The following CASD1 variants were observed in gnomAD, a reference collection of about 807,000 sequenced individuals.
The protein encoded by CASD1 is N-acetylneuraminate (7)9-O-acetyltransferase.
Under a neutral mutation model 100.0 loss-of-function variants are expected in CASD1, and 41 were observed. That is an observed-to-expected ratio of 0.41 (90% CI 0.32 to 0.53). The LOEUF is 0.53. Among genes scored for constraint, CASD1 ranks in the 20% least tolerant of loss-of-function variants. The pLI, the probability that CASD1 is intolerant of heterozygous loss-of-function variation, is 0.25. For missense variants in CASD1, 774 were observed against 948.7 expected (o/e 0.82, Z 2.42); for synonymous variants, 321 against 315.6 (o/e 1.02, Z -0.18).
chr7:94,546,925 T>G (rs1228842554), intron 12 of CASD1, among the ~76,000 whole-genome samples, 171 bp from the exon 13 acceptor site: 1 of 151,862 alleles, frequency 6.6e-6, no homozygotes, highest in African/African-American at 2.4e-5. Flanking sequence ...TTTGTTTTTC[T>G]TTTTGCCCTA....
chr7:94,577,485 G>A, the CASD1 span, among the ~76,000 whole-genome samples: 2 of 152,158 alleles, frequency 1.3e-5, no homozygotes, highest in Non-Finnish European at 2.9e-5. Context: ...TTTAAAAACT[G>A]AGACAGGCAG....
At chr7:94,573,272 T>G in the CASD1 span, among the ~76,000 whole-genome samples, 1 of 152,226 alleles carries the variant, frequency 6.6e-6, no homozygotes. Flanking sequence ...AGAGTGTCAT[T>G]GGTAGTTTGA....
downstream of CASD1, among the ~76,000 whole-genome samples, chr7:94,561,024 A>G (rs1796330196): frequency 6.6e-6 from 1 of 152,104 alleles, no homozygotes. Flanking sequence ...ATATTTGATG[A>G]GAATTTAATG....
At chr7:94,603,344 T>C in the CASD1 span, 3 of 1,612,696 alleles carry the variant, frequency 1.9e-6, no homozygotes, top group Non-Finnish European at 8.5e-7. Flanking sequence ...TTTTATCACA[T>C]GTTATTACAG....
At chr7:94,612,968 T>G in the CASD1 span, among the ~76,000 whole-genome samples, 1 of 152,242 alleles carries the variant, frequency 6.6e-6, no homozygotes, top group African/African-American at 2.4e-5. Flanking sequence ...TTTGTCCCAC[T>G]GCTACAACTG....
At chr7:94,606,226 T>TA in the CASD1 span, among the ~76,000 whole-genome samples, 48 of 152,132 alleles carry the variant, frequency 3.2e-4, no homozygotes, top group Admixed American at 2.1e-3. Context: ...ATACTCTTTA[T>TA]AAAAAATATC....
the CASD1 span, chr7:94,619,505 A>C: frequency 6.6e-6 from 1 of 152,438 alleles, no homozygotes; most frequent in South Asian, 2.1e-4. Context: ...CATGATTAAC[A>C]TCTTAAAACA....
At chr7:94,603,558 T>A in the CASD1 span, 1 of 1,030,342 alleles carries the variant, frequency 9.7e-7, no homozygotes, top group Non-Finnish European at 1.5e-6. Context: ...AGAGATTAAC[T>A]AGACTCATCC....
chr7:94,623,510 G>A, the CASD1 span: 1 of 726,698 alleles, frequency 1.4e-6, no homozygotes, highest in South Asian at 1.7e-5. Context: ...ATTATTTGTT[G>A]ATATACTTAC....
intron 10 of CASD1, among the ~76,000 whole-genome samples, chr7:94,542,617 T>G (rs1420615744): frequency 6.6e-6 from 1 of 152,204 alleles, no homozygotes; most frequent in Non-Finnish European, 1.5e-5. Flanking sequence ...TTGGTAGCTT[T>G]TACGTATAGT....
At chr7:94,632,483 A>G in the CASD1 span, among the ~76,000 whole-genome samples, 3 of 152,116 alleles carry the variant, frequency 2.0e-5, no homozygotes, top group Non-Finnish European at 2.9e-5. Context: ...GCTGAACTGC[A>G]TACTTGCTGG....
chr7:94,548,826 C>T (rs896233078), intron 13 of CASD1, among the ~76,000 whole-genome samples: 6 of 151,718 alleles, frequency 4.0e-5, no homozygotes, highest in Non-Finnish European at 7.4e-5. Flanking sequence ...TTGTTCTCTT[C>T]TTTGAAAGAC....
the CASD1 span, chr7:94,599,974 A>T: frequency 5.4e-6 from 2 of 373,510 alleles, no homozygotes; most frequent in Non-Finnish European, 9.6e-6. Context: ...GATTGAAATA[A>T]ATTCTATGAC....
At chr7:94,618,799 C>G in the CASD1 span, 1 of 1,614,022 alleles carries the variant, frequency 6.2e-7, no homozygotes, top group Non-Finnish European at 8.5e-7. Context: ...CCCTGCCACC[C>G]CTGTCTAGGG....
chr7:94,523,528 A>G (rs912080952), intron 3 of CASD1, among the ~76,000 whole-genome samples: 8 of 152,264 alleles, frequency 5.3e-5, no homozygotes, highest in African/African-American at 1.9e-4. Flanking sequence ...CAGAAAAGCC[A>G]TAAAAATTTA....
intron 9 of CASD1, 56 bp from the exon 10 acceptor site, chr7:94,538,911 C>A: frequency 1.1e-6 from 1 of 903,090 alleles, no homozygotes; most frequent in Non-Finnish European, 1.7e-6. Context: ...TATTATATGC[C>A]GTTAAATAAT....
chr7:94,572,689 T>C, the CASD1 span, among the ~76,000 whole-genome samples: 6 of 152,208 alleles, frequency 3.9e-5, no homozygotes, highest in Non-Finnish European at 7.3e-5. Context: ...GTCTGTTCAC[T>C]TTGTTGATAG....
At chr7:94,618,823 T>C in the CASD1 span, 24 of 1,614,076 alleles carry the variant, frequency 1.5e-5, no homozygotes, top group Non-Finnish European at 2.0e-5. Context: ...ATGTGATGTT[T>C]ATGGCGTTCA....
At position 94,544,537 on chromosome 7, in the gene CASD1, A is replaced by G; in HGVS notation, c.1476+7A>G. The stretch of plus-strand genomic sequence containing the variant: ...AATCTATAGAGTATGTCAGGTAGGA[A>G]TGCACTGTTATTTCCTTTTCTTCCA... On this transcript the variant is annotated splice_region_variant and intron_variant, in intron 11 of 17. Transcript: ENST00000297273. The G allele has an allele frequency of 6.2e-7, 1 of 1,606,534 alleles. No homozygotes were observed. The highest frequency in any genetic ancestry group is 8.5e-7 in the Non-Finnish European group (1 of 1,177,794).
Sources: gnomAD v4.1 joint callset for allele counts (sites outside exome capture counted in the v4.1 genomes callset) on GRCh38, gnomAD v4.1.1 for gene constraint, MANE v1.5 for transcripts, NCBI Gene and HGNC (gene_info 2026-07-23, HGNC 2026-07-21) for gene names.